Variants in PCBP3 observed in about 807,000 individuals in gnomAD.
PCBP3 encodes poly(rC)-binding protein 3.
Under a neutral mutation model 52.7 loss-of-function variants are expected in PCBP3, and 25 were observed. The observed-to-expected ratio is 0.47, with a 90% CI of 0.35 to 0.66. The LOEUF is 0.66. Among genes scored for constraint, PCBP3 ranks in the 30% least tolerant of loss-of-function variants. The pLI is 0.01. For synonymous variants in PCBP3, 162 were observed against 183.0 expected, an observed-to-expected ratio of 0.89 and a Z score of 0.93; for missense variants, 391 against 490.3, an observed-to-expected ratio of 0.80 and a Z score of 1.91.
chr21:45,727,844 T>A (rs1244036700), intron 2 of PCBP3, among the ~76,000 whole-genome samples: 3 of 152,186 alleles, frequency 2.0e-5, no homozygotes, highest in Non-Finnish European at 4.4e-5. Flanking sequence ...GCCCTGGATG[T>A]CAAAGCATCA....
chr21:45,738,442 G>T (rs908599147), intron 3 of PCBP3, among the ~76,000 whole-genome samples: 1 of 151,948 alleles, frequency 6.6e-6, no homozygotes, highest in Non-Finnish European at 1.5e-5. Flanking sequence ...TCTTAGTAGA[G>T]ACGGGGTTTC....
intron 1 of PCBP3, among the ~76,000 whole-genome samples, chr21:45,653,053 A>T (rs2079789949): frequency 6.6e-6 from 1 of 152,188 alleles, no homozygotes; most frequent in South Asian, 2.1e-4. Flanking sequence ...ACATTTCTAA[A>T]CATATGCATA....
intron 4 of PCBP3, among the ~76,000 whole-genome samples, chr21:45,773,288 T>C (rs1426966441): frequency 6.6e-6 from 1 of 152,220 alleles, no homozygotes; most frequent in Non-Finnish European, 1.5e-5. Context: ...ACATTTTAAG[T>C]ATTTAATCCA....
intron 4 of PCBP3, among the ~76,000 whole-genome samples, chr21:45,793,291 T>C (rs1421745571): frequency 6.6e-6 from 1 of 152,058 alleles, no homozygotes; most frequent in African/African-American, 2.4e-5. Flanking sequence ...CCACGGACTA[T>C]TGAGAACGCA....
At chr21:45,925,025 C>T (rs747419106) in intron 13 of PCBP3, among the ~76,000 whole-genome samples, 61 of 81,156 alleles carry the variant, frequency 7.5e-4, no homozygotes, top group Admixed American at 3.1e-3. Context: ...ATGCGAACAC[C>T]GGGAACAGTC....
At chr21:45,683,565 AAGTC>A (rs771937565) in intron 2 of PCBP3, among the ~76,000 whole-genome samples, 3 of 152,196 alleles carry the variant, frequency 2.0e-5, no homozygotes, top group Non-Finnish European at 2.9e-5. Flanking sequence ...ATTCTCTACA[AAGTC>A]AGGATAGAGT....
chr21:45,751,171 T>A (rs911347605), intron 3 of PCBP3: 5 of 152,200 alleles, frequency 3.3e-5, no homozygotes, highest in Admixed American at 1.3e-4. Flanking sequence ...CCCTCCCACC[T>A]CAGGAGCTGT....
At chr21:45,826,220 T>G (rs2093304388) in intron 4 of PCBP3, among the ~76,000 whole-genome samples, 1 of 150,644 alleles carries the variant, frequency 6.6e-6, no homozygotes, top group Admixed American at 6.6e-5. Flanking sequence ...ATTGCGGCAT[T>G]GCACTCCAGC....
At chr21:45,712,992 T>G (rs1433000516) in intron 2 of PCBP3, among the ~76,000 whole-genome samples, 1 of 152,204 alleles carries the variant, frequency 6.6e-6, no homozygotes, top group Non-Finnish European at 1.5e-5. Flanking sequence ...CCCAAAGTGT[T>G]GGGATTACAG....
At chr21:45,852,319 C>G (rs950364831) in intron 5 of PCBP3, among the ~76,000 whole-genome samples, 1 of 152,062 alleles carries the variant, frequency 6.6e-6, no homozygotes, top group Non-Finnish European at 1.5e-5. Context: ...AAAATTTCCC[C>G]AAAGCCTTCA....
intron 9 of PCBP3, among the ~76,000 whole-genome samples, 184 bp from the exon 10 acceptor site, chr21:45,909,171 G>A (rs1182901737): frequency 6.6e-6 from 1 of 152,020 alleles, no homozygotes; most frequent in Non-Finnish European, 1.5e-5. Context: ...CTGCCAGCCT[G>A]CCCATCCATT....
intron 16 of PCBP3, among the ~76,000 whole-genome samples, chr21:45,938,331 C>A (rs535319491): frequency 1.3e-5 from 2 of 152,196 alleles, no homozygotes; most frequent in Non-Finnish European, 2.9e-5. Context: ...TGGGGCAGTG[C>A]GAAAGCCCAG....
At chr21:45,669,027 C>T (rs555143582) in intron 2 of PCBP3, 75 bp downstream of exon 2, 1 of 152,250 alleles carries the variant, frequency 6.6e-6, no homozygotes, top group African/African-American at 2.4e-5. Context: ...TGCATCCCTG[C>T]CTGAGGTATG....
At chr21:45,918,955 TCGGAGGGGAAC>T (rs2073997091) in intron 13 of PCBP3, 1 of 153,472 alleles carries the variant, frequency 6.5e-6, no homozygotes, top group South Asian at 2.1e-4. Context: ...AGATCATCCA[TCGGAGGGGAAC>T]CCTGGGCGGC....
At chr21:45,689,232 A>G (rs1231918549) in intron 2 of PCBP3, among the ~76,000 whole-genome samples, 1 of 152,132 alleles carries the variant, frequency 6.6e-6, no homozygotes, top group Non-Finnish European at 1.5e-5. Context: ...GAAGATAGGT[A>G]GGTAGGTAGA....
chr21:45,892,508 G>T, intron 5 of PCBP3, among the ~76,000 whole-genome samples: 1 of 149,494 alleles, frequency 6.7e-6, no homozygotes, highest in Non-Finnish European at 1.5e-5. Context: ...GGGGCGTGGA[G>T]GGCGCAGTCC....
At chr21:45,682,868 G>A (rs1233825892) in intron 2 of PCBP3, among the ~76,000 whole-genome samples, 1 of 152,156 alleles carries the variant, frequency 6.6e-6, no homozygotes, top group African/African-American at 2.4e-5. Context: ...ATGGAGTCCA[G>A]GCTGAAAAGA....
At chr21:45,810,796 T>C (rs1413868712) in intron 4 of PCBP3, among the ~76,000 whole-genome samples, 1 of 152,236 alleles carries the variant, frequency 6.6e-6, no homozygotes, top group Non-Finnish European at 1.5e-5. Context: ...GCCTTGAGTC[T>C]TCTTGTCGGG....
intron 4 of PCBP3, chr21:45,762,533 A>G (rs1329024887): frequency 8.0e-6 from 1 of 124,902 alleles, no homozygotes; most frequent in Non-Finnish European, 1.6e-5. Context: ...TCTGTCACCC[A>G]GGCTGGAGTG....
Sources: gnomAD v4.1 joint callset for allele counts (sites outside exome capture counted in the v4.1 genomes callset) on GRCh38, gnomAD v4.1.1 for gene constraint, MANE v1.5 for transcripts, NCBI Gene and HGNC (gene_info 2026-07-23, HGNC 2026-07-21) for gene names.